Variants in GLCE observed in about 807,000 individuals in gnomAD.
GLCE encodes D-glucuronyl C5-epimerase.
In GLCE, 19 loss-of-function variants were observed where a neutral mutation model predicts 47.9. That is an observed-to-expected ratio of 0.40 (90% CI 0.28 to 0.58). The LOEUF (loss-of-function observed/expected upper bound fraction) is 0.58. GLCE is among the 20% of genes least tolerant of loss of function. GLCE has a pLI of 0.48. For missense variants in GLCE, 556 were observed against 743.3 expected (o/e 0.75, Z 2.93); for synonymous variants, 245 against 263.4 (o/e 0.93, Z 0.68).
At chr15:69,173,880 C>T (rs1451347644) in intron 1 of GLCE, among the ~76,000 whole-genome samples, 2 of 151,974 alleles carry the variant, frequency 1.3e-5, no homozygotes, top group Non-Finnish European at 2.9e-5. Context: ...TTTTTTGAGA[C>T]AGGGTCTTAC....
intron 1 of GLCE, among the ~76,000 whole-genome samples, chr15:69,182,345 G>A (rs971510259): frequency 4.0e-5 from 6 of 151,144 alleles, no homozygotes; most frequent in Admixed American, 1.3e-4. Flanking sequence ...ACATGCAGCT[G>A]TGTAGGTATC....
At chr15:69,264,947 T>C (rs1291771365) in intron 4 of GLCE, among the ~76,000 whole-genome samples, 5 of 152,200 alleles carry the variant, frequency 3.3e-5, no homozygotes, top group Non-Finnish European at 1.5e-5. Flanking sequence ...TCTTATCAGA[T>C]ATATGTTTGT....
intron 2 of GLCE, among the ~76,000 whole-genome samples, chr15:69,216,869 A>G (rs1168152952): frequency 1.3e-5 from 2 of 150,266 alleles, no homozygotes; most frequent in Non-Finnish European, 3.0e-5. Context: ...TGAGTTCCCT[A>G]TTTCAGTAGG....
intron 2 of GLCE, among the ~76,000 whole-genome samples, chr15:69,254,475 T>TA (rs1418881003): frequency 6.6e-6 from 1 of 152,118 alleles, no homozygotes; most frequent in Non-Finnish European, 1.5e-5. Context: ...AGTAGTAGGG[T>TA]AAGCGTAGAA....
chr15:69,164,707 C>T (rs2051477934), intron 1 of GLCE, among the ~76,000 whole-genome samples: 2 of 151,928 alleles, frequency 1.3e-5, no homozygotes. Context: ...ACATATTATA[C>T]CTAATTTTAG....
intron 2 of GLCE, among the ~76,000 whole-genome samples, chr15:69,225,382 G>T (rs1334999446): frequency 6.6e-6 from 1 of 152,124 alleles, no homozygotes; most frequent in Non-Finnish European, 1.5e-5. Context: ...GTACCACAGA[G>T]TTCAGCATTC....
chr15:69,224,285 T>G (rs1484567166), intron 2 of GLCE, among the ~76,000 whole-genome samples: 1 of 152,192 alleles, frequency 6.6e-6, no homozygotes, highest in Non-Finnish European at 1.5e-5. Flanking sequence ...GGGATCAGCC[T>G]ATGTCAGAGA....
chr15:69,184,188 G>T (rs2051790034), intron 1 of GLCE, among the ~76,000 whole-genome samples: 1 of 152,144 alleles, frequency 6.6e-6, no homozygotes, highest in South Asian at 2.1e-4. Flanking sequence ...TATTGAAATA[G>T]TAGGACATGG....
At chr15:69,230,747 T>C (rs2052511137) in intron 2 of GLCE, among the ~76,000 whole-genome samples, 1 of 152,252 alleles carries the variant, frequency 6.6e-6, no homozygotes, top group South Asian at 2.1e-4. Context: ...TGTATTTGTG[T>C]CCTGTTGTTA....
At chr15:69,207,299 C>T (rs2052166058) in intron 1 of GLCE, among the ~76,000 whole-genome samples, 2 of 152,132 alleles carry the variant, frequency 1.3e-5, no homozygotes, top group Admixed American at 6.6e-5. Context: ...TTGTGATGTG[C>T]GGTTCTGTGG....
chr15:69,231,949 C>T (rs760067280), intron 2 of GLCE, among the ~76,000 whole-genome samples: 2 of 152,014 alleles, frequency 1.3e-5, no homozygotes, highest in Non-Finnish European at 1.5e-5. Flanking sequence ...CACACCACCA[C>T]GCCTGGCTAA....
At chr15:69,233,648 G>A (rs1190293957) in intron 2 of GLCE, among the ~76,000 whole-genome samples, 4 of 152,076 alleles carry the variant, frequency 2.6e-5, no homozygotes, top group African/African-American at 9.7e-5. Flanking sequence ...TTACATATGT[G>A]CATTGTAGGG....
chr15:69,176,071 A>G (rs914062234), intron 1 of GLCE, among the ~76,000 whole-genome samples: 7 of 152,152 alleles, frequency 4.6e-5, no homozygotes, highest in Admixed American at 1.3e-4. Context: ...CTAATGGTAT[A>G]TCTCTCAAAT....
chr15:69,269,200 A>C lies in GLCE; in HGVS notation c.1810A>C (p.Arg604=). Residue 604 remains arginine, a synonymous_variant, in exon 5 of 5, where the codon AGG becomes CGG. Coordinates refer to ENST00000261858, the MANE Select transcript of GLCE (RefSeq NM_015554.3). ...CCCAGTCTTCAAAGAATTTGTCAAGAGGTGGAAAAGCTACCTTAAAGGCAG... is the reference window on the plus strand; with the variant it reads ...CCCAGTCTTCAAAGAATTTGTCAAGCGGTGGAAAAGCTACCTTAAAGGCAG... ...ESPVFKEFVK[R]WKSYLKGSRA... is the part of the protein sequence containing the mutation. 4 of 1,614,148 alleles carry C rather than the reference A, an allele frequency of 2.5e-6. No individual in the cohort carries two copies. Among genetic ancestry groups the C allele is most frequent in the Non-Finnish European group, 3.4e-6 (4 of 1,179,996 alleles).
Position 69,261,034 on chromosome 15 carries a change from A to G in GLCE, c.587-53A>G, listed in dbSNP as rs1397080228. On this transcript the variant is annotated intron_variant, in intron 3 of 4. Coordinates refer to ENST00000261858, the MANE Select transcript of GLCE (RefSeq NM_015554.3). ...AAATCAGTGAGGAATGGTATTAGGA[A>G]TAGGCTTGTAATGTCTGGATATGAT... 2.6e-6 allele frequency: 4 copies of G among 1,535,514 alleles called. No individual in the cohort carries two copies. In the East Asian group the frequency reaches 6.8e-5, roughly 26 times the overall value.
chr15:69,231,751 G>A lies in GLCE; in HGVS notation c.-14+21345G>A, dbSNP rs530357146. On this transcript the variant is annotated intron_variant, in intron 2 of 4. Coordinates refer to ENST00000261858, the MANE Select transcript of GLCE (RefSeq NM_015554.3). The stretch of plus-strand genomic sequence containing the variant: ...TATGCCTATGAGCTTTTCCCATTTA[G>A]GATATACATGTGATTCAGATATCTA... 2.4e-4 allele frequency among the ~76,000 whole-genome samples: 37 copies of A among 152,084 alleles called. No homozygotes were observed. In the South Asian group the frequency reaches 7.3e-3, roughly 30 times the overall value.
At chr15:69,266,589 G>A (rs2053090290) in intron 4 of GLCE, among the ~76,000 whole-genome samples, 1 of 152,178 alleles carries the variant, frequency 6.6e-6, no homozygotes, top group South Asian at 2.1e-4. Context: ...CTCCGAAACT[G>A]CTGAGTGTGA....
At chr15:69,264,506 C>A (rs2053059140) in intron 4 of GLCE, among the ~76,000 whole-genome samples, 1 of 152,106 alleles carries the variant, frequency 6.6e-6, no homozygotes, top group Admixed American at 6.5e-5. Flanking sequence ...CATGGGAGTG[C>A]AGGTATCTTT....
chr15:69,215,441 T>C (rs990398246), intron 2 of GLCE, among the ~76,000 whole-genome samples: 1 of 152,176 alleles, frequency 6.6e-6, no homozygotes, highest in Non-Finnish European at 1.5e-5. Context: ...TATTCTATTA[T>C]ATGTACACGA....
Sources: allele counts gnomAD v4.1 joint callset (sites outside exome capture counted in the v4.1 genomes callset), GRCh38; gene constraint gnomAD v4.1.1; transcripts MANE v1.5; gene names NCBI Gene and HGNC (gene_info 2026-07-23, HGNC 2026-07-21).